The following XRCC4 variants were observed in gnomAD, a reference collection of about 807,000 sequenced individuals.
XRCC4 encodes the protein DNA repair protein XRCC4.
A neutral mutation model predicts 39.1 loss-of-function variants in XRCC4; 28 were observed. The ratio of observed to expected loss-of-function variants is 0.72; its 90% CI spans 0.53 to 0.98. The LOEUF is 0.98. Ranked by LOEUF, XRCC4 falls within the 50% of genes least tolerant of loss-of-function variation. The pLI, the probability that XRCC4 is intolerant of heterozygous loss-of-function variation, is 0.00. For synonymous variants in XRCC4, 123 were observed against 126.4 expected (o/e 0.97, Z 0.18); for missense variants, 350 against 376.4 (o/e 0.93, Z 0.58).
intron 3 of XRCC4, among the ~76,000 whole-genome samples, chr5:83,194,189 A>G (rs1406063684): frequency 6.6e-6 from 1 of 152,076 alleles, no homozygotes; most frequent in Non-Finnish European, 1.5e-5. Flanking sequence ...GATGAACTCC[A>G]CCTGCCTTGG....
At chr5:83,195,179 T>A (rs1269460575) in intron 3 of XRCC4, among the ~76,000 whole-genome samples, 1 of 152,138 alleles carries the variant, frequency 6.6e-6, no homozygotes, top group African/African-American at 2.4e-5. Context: ...GGAATTAAGG[T>A]ATTTTTAAGA....
chr5:83,249,619 A>C (rs754014453), intron 6 of XRCC4, among the ~76,000 whole-genome samples: 3 of 152,126 alleles, frequency 2.0e-5, no homozygotes, highest in Non-Finnish European at 4.4e-5. Flanking sequence ...AAGGTTTATC[A>C]TTGTCAAATT....
chr5:83,340,483 G>C (rs1580530018), intron 7 of XRCC4, among the ~76,000 whole-genome samples: 3 of 152,264 alleles, frequency 2.0e-5, no homozygotes, highest in Admixed American at 2.0e-4. Context: ...GTAGAAAAGA[G>C]AGGCAGAAGA....
At chr5:83,103,263 T>C (rs1010775735) in intron 1 of XRCC4, among the ~76,000 whole-genome samples, 3 of 152,008 alleles carry the variant, frequency 2.0e-5, no homozygotes, top group African/African-American at 4.8e-5. Flanking sequence ...GTTCAAGTAA[T>C]GAAGTTCTTG....
chr5:83,211,166 A>C (rs1751630448), intron 6 of XRCC4, among the ~76,000 whole-genome samples: 1 of 152,196 alleles, frequency 6.6e-6, no homozygotes, highest in African/African-American at 2.4e-5. Flanking sequence ...AAAACTGCTG[A>C]AGTTTGGGTA....
chr5:83,371,726 G>T, the XRCC4 span, among the ~76,000 whole-genome samples: 1 of 152,142 alleles, frequency 6.6e-6, no homozygotes, highest in Admixed American at 6.6e-5. Context: ...GTTGTGCCAT[G>T]ATAAAAGGAA....
rs781721547 is a variant in XRCC4 at position 83,353,484 on chromosome 5, G to A, written c.*242G>A. On this transcript the variant is annotated 3_prime_UTR_variant, in exon 8 of 8. Coordinates refer to ENST00000396027, the MANE Select transcript of XRCC4 (RefSeq NM_003401.5). ...CAGCATGCCTATAATTACATAAATT[G>A]TATGAGACTTTTTGTTGCAAAGGAC... 101 of 295,668 alleles carry A rather than the reference G, an allele frequency of 3.4e-4. No homozygotes were observed. The highest frequency in any genetic ancestry group is 5.5e-4 in the Non-Finnish European group (89 of 161,634). 18.3% of individuals were successfully genotyped at this position (295,668 alleles called of 1,614,324 possible).
At chr5:83,157,333 G>A (rs1443809416) in intron 3 of XRCC4, among the ~76,000 whole-genome samples, 1 of 152,052 alleles carries the variant, frequency 6.6e-6, no homozygotes, top group Non-Finnish European at 1.5e-5. Context: ...ATTGTCGGAT[G>A]CCTGAAAAGT....
At chr5:83,361,540 T>C in the XRCC4 span, among the ~76,000 whole-genome samples, 14 of 152,324 alleles carry the variant, frequency 9.2e-5, no homozygotes, top group Non-Finnish European at 5.9e-5. Context: ...ATTAAAAGTT[T>C]GGGTCAGAGA....
intron 6 of XRCC4, among the ~76,000 whole-genome samples, chr5:83,235,576 A>G (rs1404976743): frequency 6.6e-6 from 1 of 152,104 alleles, no homozygotes; most frequent in African/African-American, 2.4e-5. Context: ...AACGTGACAA[A>G]GGTCATGTAT....
intron 7 of XRCC4, among the ~76,000 whole-genome samples, chr5:83,289,803 T>C (rs1400227742): frequency 6.6e-6 from 1 of 151,826 alleles, no homozygotes; most frequent in African/African-American, 2.4e-5. Flanking sequence ...GGTTCACTTC[T>C]TTCCTAGAGA....
chr5:83,280,403 C>T (rs1287254117), intron 7 of XRCC4: 2 of 609,816 alleles, frequency 3.3e-6, no homozygotes, highest in South Asian at 1.9e-5. Context: ...TCTGAATATT[C>T]TTTCCTTTTG....
intron 7 of XRCC4, among the ~76,000 whole-genome samples, chr5:83,308,353 A>T (rs1755561858): frequency 6.6e-6 from 1 of 152,022 alleles, no homozygotes; most frequent in Non-Finnish European, 1.5e-5. Context: ...AAATAATAGT[A>T]TTTGGTGTGG....
chr5:83,153,678 G>A (rs1418497674), intron 3 of XRCC4, among the ~76,000 whole-genome samples: 1 of 152,146 alleles, frequency 6.6e-6, no homozygotes, highest in Non-Finnish European at 1.5e-5. Context: ...CACATGCATT[G>A]CTGGTTAGAA....
intron 1 of XRCC4, among the ~76,000 whole-genome samples, chr5:83,087,800 G>C (rs1022316084): frequency 2.0e-5 from 3 of 151,916 alleles, no homozygotes; most frequent in Admixed American, 1.3e-4. Context: ...TTTGGTGTAT[G>C]TCTCTTCTTT....
intron 7 of XRCC4, chr5:83,279,987 C>A: frequency 5.1e-6 from 1 of 194,342 alleles, no homozygotes. Flanking sequence ...CTTACATCCT[C>A]TTCTTTCAAG....
intron 6 of XRCC4, among the ~76,000 whole-genome samples, chr5:83,209,128 A>T (rs923998902): frequency 3.4e-5 from 5 of 148,334 alleles, no homozygotes; most frequent in Non-Finnish European, 7.4e-5. Context: ...GTGTGAATTT[A>T]ATAGAAATCT....
downstream of XRCC4, among the ~76,000 whole-genome samples, chr5:83,357,639 T>C (rs899033920): frequency 1.3e-5 from 2 of 152,182 alleles, no homozygotes; most frequent in Non-Finnish European, 2.9e-5. Context: ...GGTATTTTAG[T>C]AGTGTGAACA....
intron 1 of XRCC4, among the ~76,000 whole-genome samples, chr5:83,090,223 A>G (rs555117595): frequency 2.6e-5 from 4 of 152,038 alleles, no homozygotes; most frequent in African/African-American, 9.6e-5. Context: ...TTGAATTCCC[A>G]CGTGTTGTGG....
Sources: gnomAD v4.1 joint callset for allele counts (sites outside exome capture counted in the v4.1 genomes callset) on GRCh38, gnomAD v4.1.1 for gene constraint, MANE v1.5 for transcripts, NCBI Gene and HGNC (gene_info 2026-07-23, HGNC 2026-07-21) for gene names.